Variants in OPCML observed in about 807,000 individuals in gnomAD.
The protein encoded by OPCML is opioid-binding protein/cell adhesion molecule.
OPCML carries 13 observed loss-of-function variants against 37.8 expected under a neutral mutation model. The ratio of observed to expected loss-of-function variants is 0.34; its 90% CI spans 0.22 to 0.55. The LOEUF (loss-of-function observed/expected upper bound fraction) is 0.55. Ranked by LOEUF, OPCML falls within the 20% of genes least tolerant of loss-of-function variation. The probability of loss-of-function intolerance (pLI) is 0.91; values close to 1 mark genes in which losing one functional copy is unlikely to be tolerated. For missense variants in OPCML, 341 were observed against 435.6 expected, an observed-to-expected ratio of 0.78 and a Z score of 1.93; for synonymous variants, 176 against 168.8, an observed-to-expected ratio of 1.04 and a Z score of -0.33.
At chr11:133,164,900 A>G (rs1349451504) in intron 1 of OPCML, among the ~76,000 whole-genome samples, 2 of 152,220 alleles carry the variant, frequency 1.3e-5, no homozygotes, top group Non-Finnish European at 2.9e-5. Flanking sequence ...GCTTCCGATG[A>G]AACTGTCCCT....
chr11:132,981,353 C>T (rs12363828), intron 1 of OPCML, among the ~76,000 whole-genome samples: 24,423 of 152,068 alleles, frequency 0.16, 2,176 homozygotes, highest in Non-Finnish European at 0.19. Context: ...TGACAGGGGC[C>T]CACTCTGCAG....
chr11:133,433,703 T>A (rs1397699087), intron 1 of OPCML, among the ~76,000 whole-genome samples: 1 of 152,124 alleles, frequency 6.6e-6, no homozygotes, highest in Non-Finnish European at 1.5e-5. Flanking sequence ...TCCAGAGACA[T>A]CTTCAACCCA....
intron 1 of OPCML, among the ~76,000 whole-genome samples, chr11:133,050,574 T>A (rs2136964411): frequency 6.6e-6 from 1 of 152,248 alleles, no homozygotes; most frequent in East Asian, 1.9e-4. Context: ...CAGGGAGGAC[T>A]TGCTTTGGAG....
chr11:132,937,997 G>A lies in OPCML; in HGVS notation c.146+4929C>T, dbSNP rs558699513. On this transcript the variant is annotated intron_variant, in intron 2 of 7. Transcript: ENST00000524381. ...CTGTCCCCTCTGGCAAGTGATTTGA[G>A]TGGAATCCAAAAGTCCCTCAGGCCT... Among the ~76,000 whole-genome samples the A allele has an allele frequency of 2.6e-5, 4 of 151,942 alleles. No individual in the cohort carries two copies. The East Asian group carries it at 5.9e-4, about 22-fold the overall frequency.
chr11:133,163,302 T>A (rs1254675250), intron 1 of OPCML, among the ~76,000 whole-genome samples: 2 of 152,170 alleles, frequency 1.3e-5, no homozygotes. Context: ...TCTGTGGAAG[T>A]GTTTGCTGTG....
chr11:133,353,467 C>G (rs1213616080), intron 1 of OPCML, among the ~76,000 whole-genome samples: 1 of 151,998 alleles, frequency 6.6e-6, no homozygotes, highest in Non-Finnish European at 1.5e-5. Context: ...GCCTGTAAGC[C>G]CCTGTTTTGG....
Position 133,228,240 on chromosome 11 carries a change from A to C in OPCML, c.62-285230T>G, listed in dbSNP as rs138259239. Among the ~76,000 whole-genome samples the C allele has an allele frequency of 8.6e-5, 13 of 152,014 alleles. No homozygotes were observed. The East Asian group carries it at 2.3e-3, about 27-fold the overall frequency. ...GCATTTTACAAGACATGGTCCCTTCACCCGCTCAGCTGTTCCCCATAATAA... is the reference window on the plus strand; with the variant it reads ...GCATTTTACAAGACATGGTCCCTTCCCCCGCTCAGCTGTTCCCCATAATAA... On this transcript the variant is annotated intron_variant, in intron 1 of 7. Transcript: ENST00000524381.
chr11:132,896,658 T>C (rs1374963671), intron 2 of OPCML, among the ~76,000 whole-genome samples: 1 of 152,214 alleles, frequency 6.6e-6, no homozygotes, highest in Non-Finnish European at 1.5e-5. Context: ...CACAATCCAG[T>C]TTGCGGGAAT....
intron 4 of OPCML, among the ~76,000 whole-genome samples, chr11:132,487,997 A>G (rs2096205162): frequency 1.3e-5 from 2 of 152,198 alleles, no homozygotes; most frequent in Non-Finnish European, 2.9e-5. Flanking sequence ...CTGGATGTGC[A>G]GAGATCCAGT....
At chr11:133,108,013 A>G (rs1190111190) in intron 1 of OPCML, among the ~76,000 whole-genome samples, 1 of 152,198 alleles carries the variant, frequency 6.6e-6, no homozygotes, top group Non-Finnish European at 1.5e-5. Context: ...ACAACCCCGC[A>G]TGCTCATCAA....
chr11:132,805,438 T>C lies in OPCML; in HGVS notation c.146+137488A>G, dbSNP rs187059735. Among the ~76,000 whole-genome samples the C allele has an allele frequency of 1.5e-3, 224 of 152,242 alleles. 2 individuals are homozygous for C. The highest frequency in any genetic ancestry group is 4.3e-4 in the African/African-American group (18 of 41,558). On this transcript the variant is annotated intron_variant, in intron 2 of 7. Transcript: ENST00000524381. ...TTATTTAAGAAACCAGACCAACCTA[T>C]TGATCCCAGAAGTCCAGCAAACATG...
intron 1 of OPCML, among the ~76,000 whole-genome samples, chr11:133,458,513 CAT>C (rs1304250692): frequency 8.8e-6 from 1 of 113,692 alleles, no homozygotes; most frequent in Admixed American, 7.7e-5. Context: ...TGTATATACA[CAT>C]ATATACACTG....
At chr11:132,624,610 A>G (rs11223157) in intron 3 of OPCML, among the ~76,000 whole-genome samples, 70,058 of 151,482 alleles carry the variant, frequency 0.46, 16,482 homozygotes, top group South Asian at 0.51. Context: ...TGTTGATCTC[A>G]CTGATCCAAG....
chr11:133,415,373 G>A lies in OPCML; in HGVS notation c.61+116891C>T, dbSNP rs181807088. ...TGCAGTGAGCCGAGATAGTGCCACC[G>A]CACTCCAGCCTGGGTGACACAGTGA... is the stretch of plus-strand genomic sequence containing the variant. On this transcript the variant is annotated intron_variant, in intron 1 of 7. Coordinates refer to ENST00000524381, the MANE Select transcript of OPCML (RefSeq NM_001012393.5). Among the ~76,000 whole-genome samples, 30 of 151,406 alleles carry A rather than the reference G, an allele frequency of 2.0e-4. No individual in the cohort carries two copies. The East Asian group carries it at 3.5e-3, about 18-fold the overall frequency.
At chr11:132,435,693 A>C (rs2096010701) in intron 7 of OPCML, among the ~76,000 whole-genome samples, 2 of 152,228 alleles carry the variant, frequency 1.3e-5, no homozygotes, top group South Asian at 4.1e-4. Context: ...CATGAGAATC[A>C]TGATGGAAGC....
At chr11:132,534,845 C>T (rs2096336079) in intron 3 of OPCML, among the ~76,000 whole-genome samples, 1 of 152,040 alleles carries the variant, frequency 6.6e-6, no homozygotes, top group Admixed American at 6.6e-5. Context: ...TAAATGTTAG[C>T]TGTTATTAGC....
chr11:132,514,600 A>G (rs4534595), intron 4 of OPCML, among the ~76,000 whole-genome samples: 31,680 of 152,010 alleles, frequency 0.21, 3,378 homozygotes, highest in Non-Finnish European at 0.23. Flanking sequence ...TACTCCTTAG[A>G]CAGAATCAGA....
At chr11:133,287,907 G>A (rs909326045) in intron 1 of OPCML, among the ~76,000 whole-genome samples, 1 of 152,182 alleles carries the variant, frequency 6.6e-6, no homozygotes, top group Non-Finnish European at 1.5e-5. Flanking sequence ...GAGTGTTCCT[G>A]GTGGACTGGT....
intron 1 of OPCML, among the ~76,000 whole-genome samples, chr11:133,472,436 C>G (rs903903269): frequency 2.0e-5 from 3 of 152,008 alleles, no homozygotes; most frequent in Non-Finnish European, 4.4e-5. Context: ...ATCATTGCCA[C>G]CTGGGCAAAG....
Sources: gnomAD v4.1 joint callset for allele counts (sites outside exome capture counted in the v4.1 genomes callset) on GRCh38, gnomAD v4.1.1 for gene constraint, MANE v1.5 for transcripts, NCBI Gene and HGNC (gene_info 2026-07-23, HGNC 2026-07-21) for gene names.